PTPRN2: variants seen among roughly 807,000 people sequenced by gnomAD.
The protein encoded by PTPRN2 is receptor-type tyrosine-protein phosphatase N2.
A neutral mutation model predicts 118.8 loss-of-function variants in PTPRN2; 74 were observed. The observed-to-expected ratio is 0.62, with a 90% confidence interval of 0.52 to 0.76. The LOEUF is 0.76. Ranked by LOEUF, PTPRN2 falls within the 30% of genes least tolerant of loss-of-function variation. The probability of loss-of-function intolerance (pLI) is 0.00; values close to 1 mark genes in which losing one functional copy is unlikely to be tolerated. For missense variants in PTPRN2, 1,481 were observed against 1,394.4 expected, an observed-to-expected ratio of 1.06 and a Z score of -0.99; for synonymous variants, 641 against 608.0, an observed-to-expected ratio of 1.05 and a Z score of -0.80.
At chr7:157,730,725 T>C (rs1799846967) in intron 12 of PTPRN2, among the ~76,000 whole-genome samples, 1 of 152,144 alleles carries the variant, frequency 6.6e-6, no homozygotes, top group Non-Finnish European at 1.5e-5. Context: ...ACGGCCCGCC[T>C]AGGGGACAGA....
At chr7:158,071,123 G>C (rs868023290) in intron 11 of PTPRN2, among the ~76,000 whole-genome samples, 7 of 54,898 alleles carry the variant, frequency 1.3e-4, no homozygotes, top group Non-Finnish European at 1.4e-4. Context: ...GGAGGTGCCC[G>C]TGGTGGTGGA....
intron 2 of PTPRN2, among the ~76,000 whole-genome samples, chr7:158,410,751 G>A (rs1002242765): frequency 6.6e-6 from 1 of 152,178 alleles, no homozygotes. Flanking sequence ...GATCCAGGGT[G>A]GGCCCTAAAT....
intron 3 of PTPRN2, among the ~76,000 whole-genome samples, chr7:158,297,768 G>C (rs1800601680): frequency 6.6e-6 from 1 of 152,168 alleles, no homozygotes; most frequent in South Asian, 2.1e-4. Context: ...ACATACCCCA[G>C]TTATGCTGTT....
intron 2 of PTPRN2, among the ~76,000 whole-genome samples, chr7:158,402,818 G>T (rs1813054179): frequency 1.3e-5 from 2 of 152,186 alleles, no homozygotes; most frequent in Admixed American, 6.5e-5. Context: ...GGTGGTGGGG[G>T]CTCAACCCAG....
chr7:158,032,843 C>T (rs1043316055), intron 11 of PTPRN2, among the ~76,000 whole-genome samples: 35 of 152,146 alleles, frequency 2.3e-4, no homozygotes, highest in Non-Finnish European at 3.7e-4. Flanking sequence ...ATCTTCCATG[C>T]CTCCAGGTTT....
intron 12 of PTPRN2, among the ~76,000 whole-genome samples, chr7:157,886,113 C>T (rs1307959228): frequency 6.6e-6 from 1 of 152,174 alleles, no homozygotes; most frequent in African/African-American, 2.4e-5. Context: ...ACTGAGGGAC[C>T]TTATGAACAT....
chr7:158,447,379 C>CA (rs1305993252), intron 2 of PTPRN2, among the ~76,000 whole-genome samples: 70 of 150,326 alleles, frequency 4.7e-4, no homozygotes, highest in East Asian at 1.8e-3. Context: ...TCTTTGGCAC[C>CA]AAAAAAAAAG....
At chr7:158,231,785 C>G (rs1027905446) in intron 3 of PTPRN2, among the ~76,000 whole-genome samples, 2 of 152,092 alleles carry the variant, frequency 1.3e-5, no homozygotes, top group Admixed American at 6.6e-5. Context: ...TTCTGACCAC[C>G]ATAGACTAAA....
intron 6 of PTPRN2, among the ~76,000 whole-genome samples, chr7:158,157,704 G>A (rs1396060989): frequency 3.3e-5 from 5 of 152,194 alleles, no homozygotes; most frequent in Non-Finnish European, 7.3e-5. Context: ...TCCTCAAGGT[G>A]CAGTGAGACG....
intron 5 of PTPRN2, among the ~76,000 whole-genome samples, chr7:158,182,497 TG>T (rs1164353074): frequency 1.3e-5 from 2 of 152,102 alleles, no homozygotes; most frequent in African/African-American, 2.4e-5. Flanking sequence ...CAGCAGGCCC[TG>T]GTGTGTGTTG....
intron 12 of PTPRN2, among the ~76,000 whole-genome samples, chr7:157,800,247 AG>A (rs1805178023): frequency 6.6e-6 from 1 of 152,282 alleles, no homozygotes; most frequent in African/African-American, 2.4e-5. Context: ...GGGTCTTTCC[AG>A]GCTGGGCTTC....
intron 11 of PTPRN2, among the ~76,000 whole-genome samples, chr7:157,927,126 G>A (rs35737125): frequency 0.15 from 11,154 of 73,126 alleles, 1,636 homozygotes; most frequent in Non-Finnish European, 0.26. Flanking sequence ...CAGAGGCCTC[G>A]CATCTTCTGG....
chr7:158,240,127 C>A (rs1795825910), intron 3 of PTPRN2, among the ~76,000 whole-genome samples: 1 of 152,146 alleles, frequency 6.6e-6, no homozygotes, highest in African/African-American at 2.4e-5. Flanking sequence ...ATGGAACAAG[C>A]AGTGTCTTTG....
chr7:158,526,337 C>T lies in PTPRN2; in HGVS notation c.113-36552G>A, dbSNP rs895457505. 2.0e-5 allele frequency among the ~76,000 whole-genome samples: 3 copies of T among 152,172 alleles called. No homozygotes were observed. The highest frequency in any genetic ancestry group is 4.4e-5 in the Non-Finnish European group (3 of 68,042). On this transcript the variant is annotated intron_variant, in intron 1 of 22. Coordinates refer to ENST00000389418, the MANE Select transcript of PTPRN2 (RefSeq NM_002847.5). The surrounding 1 kb of genome is among the most constrained non-coding windows in gnomAD (Gnocchi z 5.2). ...GAGCTCGGCAGGGCTGCATCTCTCC[C>T]GTGGGACGCTGCAGAGATAACCAGG...
rs1308178398 is a variant in PTPRN2, at chr7:158,310,765, A to G, written c.277+6054T>C. Among the ~76,000 whole-genome samples the G allele has an allele frequency of 1.5e-3, 210 of 139,914 alleles. 4 individuals are homozygous for G. The highest frequency in any genetic ancestry group is 5.4e-3 in the African/African-American group (193 of 35,956). The allele number at this position is 139,914 out of a possible 152,430, so 91.8% of individuals were successfully genotyped here. A position where few individuals can be genotyped will look rare whatever the true frequency, so the allele number is the denominator to read the frequency against. The stretch of plus-strand genomic sequence containing the variant: ...GCAAGCCCTGAGCCGGACAGAGCGC[A>G]AGTCCCACGGAGGGCGAGCCCTGAG... On this transcript the variant is annotated intron_variant, in intron 3 of 22. Transcript: ENST00000389418.
At chr7:158,333,127 A>G (rs1213838027) in intron 2 of PTPRN2, among the ~76,000 whole-genome samples, 50 of 88,280 alleles carry the variant, frequency 5.7e-4, no homozygotes, top group South Asian at 1.9e-3. Context: ...ACCTGCAGAC[A>G]TCACTCACAC....
chr7:158,327,670 G>C (rs1803760738), intron 2 of PTPRN2, among the ~76,000 whole-genome samples: 1 of 152,352 alleles, frequency 6.6e-6, no homozygotes, highest in African/African-American at 2.4e-5. Flanking sequence ...TGCTGTACCA[G>C]GCTAGGTCAC....
intron 3 of PTPRN2, among the ~76,000 whole-genome samples, chr7:158,209,744 A>C (rs758226808): frequency 7.2e-5 from 11 of 152,224 alleles, no homozygotes; most frequent in Non-Finnish European, 1.2e-4. Context: ...TGAAATCCAC[A>C]TTCTTCTCCT....
chr7:158,362,967 G>T (rs1173058477), intron 2 of PTPRN2, among the ~76,000 whole-genome samples: 1 of 152,164 alleles, frequency 6.6e-6, no homozygotes, highest in African/African-American at 2.4e-5. Flanking sequence ...AGACACAATC[G>T]CAATTCAGGC....
Sources: allele counts gnomAD v4.1 joint callset (sites outside exome capture counted in the v4.1 genomes callset), GRCh38; gene constraint gnomAD v4.1.1; non-coding constraint Gnocchi (gnomAD v3.1); transcripts MANE v1.5; gene names NCBI Gene and HGNC (gene_info 2026-07-23, HGNC 2026-07-21).